Variants in MCM7 observed in about 807,000 individuals in gnomAD.
MCM7 encodes the protein minichromosome maintenance complex component 7.
In MCM7, 95 loss-of-function variants were observed where a neutral mutation model predicts 83.5. That is an observed-to-expected ratio of 1.14 (90% CI 0.96 to 1.35). The LOEUF (loss-of-function observed/expected upper bound fraction) is 1.35, where lower values mean the gene tolerates loss of function less well. Ranked by LOEUF, MCM7 falls within the 40% of genes most tolerant of loss-of-function variation. The pLI, the probability that MCM7 is intolerant of heterozygous loss-of-function variation, is 0.00. For synonymous variants in MCM7, 461 were observed against 352.7 expected, an observed-to-expected ratio of 1.31 and a Z score of -3.44; for missense variants, 1,087 against 957.4, an observed-to-expected ratio of 1.14 and a Z score of -1.79.
chr7:100,098,875 T>C (rs562061025), intron 5 of MCM7, 148 bp downstream of exon 5: 8 of 1,338,050 alleles, frequency 6.0e-6, no homozygotes, highest in Admixed American at 2.3e-5. Flanking sequence ...AGAAAATAGG[T>C]AGAAAGACCA....
At chr7:100,096,506 T>G (rs1795642800) in intron 10 of MCM7, among the ~76,000 whole-genome samples, 1 of 152,236 alleles carries the variant, frequency 6.6e-6, no homozygotes, top group Admixed American at 6.5e-5. Flanking sequence ...GCGCAGTGGC[T>G]AACTCCTCTA....
chr7:100,093,427 TG>T, intron 13 of MCM7, 26 bp from the exon 14 acceptor site: 1 of 1,605,062 alleles, frequency 6.2e-7, no homozygotes, highest in Non-Finnish European at 8.5e-7. Flanking sequence ...GGGGGAAAGA[TG>T]GGAACGGGAG....
At chr7:100,100,553 G>GTT (rs1335183818) in intron 1 of MCM7, 1 of 992,422 alleles carries the variant, frequency 1.0e-6, no homozygotes, top group Non-Finnish European at 1.2e-6. Flanking sequence ...CATGGGCCCG[G>GTT]ATTCCAGCCG....
chr7:100,099,791 A>G (rs756265716), intron 2 of MCM7, 38 bp from the exon 3 acceptor site: 8 of 1,609,178 alleles, frequency 5.0e-6, no homozygotes, highest in Middle Eastern at 1.6e-4. Flanking sequence ...TCAGAGCCAC[A>G]TTCACTTTGC....
Position 100,098,246 on chromosome 7 carries a change from C to T in MCM7, c.765G>A (p.Val255=), listed in dbSNP as rs769752658. Residue 255 remains valine, a synonymous_variant, in exon 7 of 15, where the codon GTG becomes GTA. Coordinates refer to ENST00000303887, the MANE Select transcript of MCM7 (RefSeq NM_005916.5). The stretch of plus-strand genomic sequence containing the variant: ...TCCTTGTGTTCTCTCCTTCTACCAG[C>T]ACCGTGATACTACGAGGGATATTTC... ...PVGNIPRSIT[V]LVEGENTRIA... is the part of the protein sequence containing the mutation. 8 of 1,614,128 alleles carry T rather than the reference C, an allele frequency of 5.0e-6. No homozygotes were observed. Among genetic ancestry groups the T allele is most frequent in the African/African-American group, 1.3e-5 (1 of 75,014 alleles).
At position 100,099,695 on chromosome 7, in the gene MCM7, T is replaced by A; in HGVS notation, c.170A>T (p.Glu57Val). 1 of 1,614,202 alleles carries A rather than the reference T, an allele frequency of 6.2e-7. No individual in the cohort carries two copies. Among genetic ancestry groups the A allele is most frequent in the Non-Finnish European group, 8.5e-7 (1 of 1,180,048 alleles). The change falls in exon 3 of 15, where the codon GAG becomes GTG. Residue 57 changes from glutamate to valine, a missense_variant. By Grantham distance (121) the Glu-to-Val change is moderately radical. Transcript: ENST00000303887. ...ALYVDLDDVA[E>V]DDPELVDSIC... is the part of the protein sequence containing the mutation. ...TGAGTCCACCAACTCGGGGTCATCC[T>A]CGGCTACGTCGTCCAGGTCCACATA...
intron 13 of MCM7, chr7:100,093,786 C>A: frequency 1.6e-6 from 1 of 614,762 alleles, no homozygotes. Context: ...TCGGGAAGTG[C>A]TAGCTCAGCA....
intron 10 of MCM7, 59 bp from the exon 11 acceptor site, chr7:100,096,226 A>C: frequency 1.3e-6 from 2 of 1,496,710 alleles, no homozygotes; most frequent in East Asian, 4.6e-5. Context: ...GAACAAGCAA[A>C]AGACAACAAA....
chr7:100,094,369 G>C (rs775213641), intron 12 of MCM7, 28 bp from the exon 13 acceptor site: 1 of 1,613,002 alleles, frequency 6.2e-7, no homozygotes, highest in Non-Finnish European at 8.5e-7. Flanking sequence ...TGGGGAAGCA[G>C]AAGAGGGAGA....
Position 100,101,396 on chromosome 7 carries a change from T to C in MCM7, c.-102A>G. The C allele has an allele frequency of 6.5e-7, 1 of 1,535,664 alleles. No individual in the cohort carries two copies. The highest frequency in any genetic ancestry group is 8.9e-7 in the Non-Finnish European group (1 of 1,120,226). ...GTGGACTGTGGCCGGCCAACCGAAA[T>C]TGGCGCGAAACGTCGCCCCCCACGT... is the stretch of plus-strand genomic sequence containing the variant. On this transcript the variant is annotated 5_prime_UTR_variant, in exon 1 of 15. Transcript: ENST00000303887.
Position 100,093,075 on chromosome 7 carries a change from G to C in MCM7, c.2017C>G (p.Arg673Gly), listed in dbSNP as rs532820415. Residue 673 changes from arginine to glycine, a missense_variant, in exon 15 of 15, where the codon CGA becomes GGA. Arg to Gly is a moderately radical substitution (Grantham distance 125). Coordinates refer to ENST00000303887, the MANE Select transcript of MCM7 (RefSeq NM_005916.5). ...ATVRELVSGG[R>G]SVRFSEAEQR... ...TCTGCCTCAGAGAACCGGACACTTC[G>C]GCCCCCTGAGACCAGTTCACGGACG... 36 of 1,614,082 alleles carry C rather than the reference G, an allele frequency of 2.2e-5. No individual in the cohort carries two copies. The highest frequency in any genetic ancestry group is 3.0e-5 in the Non-Finnish European group (35 of 1,180,054).
chr7:100,093,392 T>C lies in MCM7; in HGVS notation c.1858A>G (p.Arg620Gly). 6.2e-7 allele frequency: 1 copy of C among 1,614,024 alleles called. No individual in the cohort carries two copies. Among genetic ancestry groups the C allele is most frequent in the African/African-American group, 1.3e-5 (1 of 75,016 alleles). Residue 620 changes from arginine to glycine, a missense_variant, in exon 14 of 15, where the codon AGA becomes GGA. By Grantham distance (125) the Arg-to-Gly change is moderately radical. Coordinates refer to ENST00000303887, the MANE Select transcript of MCM7 (RefSeq NM_005916.5). ...LRLSTALARL[R>G]MVDVVEKEDV... ...TCTTTCTCCACCACATCCACCATTC[T>C]CAGACGTGCCTAAGGGGAAGGTAGG...
At chr7:100,100,360 T>G in intron 1 of MCM7, 6 of 1,115,346 alleles carry the variant, frequency 5.4e-6, no homozygotes, top group East Asian at 6.7e-5. Flanking sequence ...TCTAGCGCCC[T>G]TCCCCGTTGG....
intron 1 of MCM7, chr7:100,100,789 G>C: frequency 2.0e-6 from 2 of 993,986 alleles, no homozygotes; most frequent in Non-Finnish European, 2.4e-6. Flanking sequence ...CTTCCGCCCG[G>C]CTCCACTTCC....
At chr7:100,094,541 C>T (rs1795516246) in intron 12 of MCM7, among the ~76,000 whole-genome samples, 200 bp from the exon 13 acceptor site, 1 of 152,212 alleles carries the variant, frequency 6.6e-6, no homozygotes, top group South Asian at 2.1e-4. Flanking sequence ...ATAGCCCCCA[C>T]CAGTATCCTC....
chr7:100,101,209 T>TGTTCCCCGGGAG, intron 1 of MCM7, 55 bp downstream of exon 1: 1 of 1,606,616 alleles, frequency 6.2e-7, no homozygotes, highest in Non-Finnish European at 8.5e-7. Context: ...CACCAACAGG[T>TGTTCCCCGGGAG]GTTCCCCGGG....
At chr7:100,099,919 CTAAT>C in intron 2 of MCM7, 91 bp downstream of exon 2, 1 of 1,440,004 alleles carries the variant, frequency 6.9e-7, no homozygotes, top group South Asian at 1.2e-5. Flanking sequence ...CTCAAACCCT[CTAAT>C]TGTTATGTCT....
chr7:100,098,853 C>T, intron 5 of MCM7, 138 bp from the exon 6 acceptor site: 2 of 1,369,436 alleles, frequency 1.5e-6, no homozygotes. Context: ...TCTGGGTCAA[C>T]AACAAACACC....
chr7:100,093,769 CG>C, intron 13 of MCM7: 5 of 611,180 alleles, frequency 8.2e-6, no homozygotes, highest in South Asian at 2.8e-5. Context: ...GAACGTGTCC[CG>C]GGGGCTCGGG....
Sources: allele counts gnomAD v4.1 joint callset (sites outside exome capture counted in the v4.1 genomes callset), GRCh38; gene constraint gnomAD v4.1.1; transcripts MANE v1.5; gene names NCBI Gene and HGNC (gene_info 2026-07-23, HGNC 2026-07-21).